RARB: variants seen among roughly 807,000 people sequenced by gnomAD.
The protein encoded by RARB is retinoic acid receptor beta.
In RARB, 17 loss-of-function variants were observed where a neutral mutation model predicts 51.9. That is an observed-to-expected ratio of 0.33 (90% confidence interval 0.22 to 0.49). RARB has a LOEUF of 0.49. RARB is among the 20% of genes least tolerant of loss of function. The probability of loss-of-function intolerance (pLI) is 0.99; values close to 1 mark genes in which losing one functional copy is unlikely to be tolerated. For synonymous variants in RARB, 215 were observed against 195.4 expected, an observed-to-expected ratio of 1.10 and a Z score of -0.84; for missense variants, 369 against 550.8, an observed-to-expected ratio of 0.67 and a Z score of 3.30.
At chr3:25,476,522 G>GA (rs1044513034) in intron 2 of RARB, among the ~76,000 whole-genome samples, 7 of 151,938 alleles carry the variant, frequency 4.6e-5, no homozygotes, top group South Asian at 4.2e-4. Context: ...GTAGATTTAG[G>GA]AAAAAAAATT....
chr3:25,153,117 A>G (rs1030604240), intron 4 of RARB, among the ~76,000 whole-genome samples: 3 of 148,690 alleles, frequency 2.0e-5, no homozygotes, highest in African/African-American at 7.4e-5. Flanking sequence ...ATCCAAACCA[A>G]CCAAGTAATA....
chr3:24,932,221 C>A (rs1444026787), intron 2 of RARB, among the ~76,000 whole-genome samples: 1 of 151,998 alleles, frequency 6.6e-6, no homozygotes, highest in African/African-American at 2.4e-5. Flanking sequence ...ATCTATAGGG[C>A]AAGCAGAGAT....
intron 5 of RARB, among the ~76,000 whole-genome samples, chr3:25,421,108 G>C (rs956420061): frequency 6.6e-6 from 1 of 151,658 alleles, no homozygotes; most frequent in African/African-American, 2.4e-5. Context: ...CTCAGTGTGT[G>C]CTTTGTGAAA....
At chr3:25,209,122 G>T (rs1701632463) in intron 5 of RARB, among the ~76,000 whole-genome samples, 1 of 152,196 alleles carries the variant, frequency 6.6e-6, no homozygotes, top group African/African-American at 2.4e-5. Context: ...TGAGTCCACA[G>T]ACCACAGTTT....
At chr3:25,028,691 C>T (rs1275108721) in intron 2 of RARB, among the ~76,000 whole-genome samples, 3 of 152,062 alleles carry the variant, frequency 2.0e-5, no homozygotes, top group African/African-American at 7.2e-5. Context: ...ACCGGGAGAG[C>T]CATGTACAGA....
intron 2 of RARB, among the ~76,000 whole-genome samples, chr3:24,951,972 G>A (rs1695903371): frequency 1.3e-5 from 2 of 152,218 alleles, no homozygotes; most frequent in African/African-American, 4.8e-5. Flanking sequence ...GCTCTATGCA[G>A]TGCATTGCAA....
chr3:24,882,028 A>G (rs991743132), intron 2 of RARB, among the ~76,000 whole-genome samples: 5 of 152,208 alleles, frequency 3.3e-5, no homozygotes, highest in African/African-American at 1.2e-4. Context: ...CATAACAATG[A>G]AAAATTGAAT....
chr3:24,897,709 A>G (rs376708912), intron 2 of RARB, among the ~76,000 whole-genome samples: 101 of 150,906 alleles, frequency 6.7e-4, no homozygotes, highest in African/African-American at 2.3e-3. Flanking sequence ...CCTTCTGTCC[A>G]GAAACCATCA....
intron 1 of RARB, among the ~76,000 whole-genome samples, chr3:24,853,850 G>T (rs1347793868): frequency 1.3e-5 from 2 of 152,214 alleles, no homozygotes; most frequent in Non-Finnish European, 1.5e-5. Context: ...GATGTAAGGA[G>T]AGGTAATTGG....
chr3:24,845,547 C>G (rs953137358), intron 1 of RARB, among the ~76,000 whole-genome samples: 3 of 152,174 alleles, frequency 2.0e-5, no homozygotes, highest in African/African-American at 7.2e-5. Context: ...TTGTCTAAAT[C>G]TGAATCCTAT....
chr3:24,922,511 A>G (rs1695239165), intron 2 of RARB, among the ~76,000 whole-genome samples: 1 of 152,164 alleles, frequency 6.6e-6, no homozygotes, highest in African/African-American at 2.4e-5. Context: ...CATTTTACAG[A>G]CGAGGAAACT....
At chr3:24,861,801 G>A (rs1012754498) in intron 2 of RARB, among the ~76,000 whole-genome samples, 32 of 152,090 alleles carry the variant, frequency 2.1e-4, no homozygotes, top group African/African-American at 6.3e-4. Context: ...AAGGATGAGC[G>A]TGAAAAAGAC....
At chr3:25,320,871 A>G (rs185578229) in intron 5 of RARB, among the ~76,000 whole-genome samples, 3 of 152,196 alleles carry the variant, frequency 2.0e-5, no homozygotes, top group Non-Finnish European at 4.4e-5. Context: ...CAAAGCCTCA[A>G]TGTTCATCAC....
chr3:24,887,557 A>G (rs7340711), intron 2 of RARB, among the ~76,000 whole-genome samples: 33 of 152,356 alleles, frequency 2.2e-4, no homozygotes, highest in African/African-American at 7.2e-4. Flanking sequence ...CTTAACTAAG[A>G]GACATAGCAG....
At chr3:25,208,976 C>G (rs937892023) in intron 5 of RARB, among the ~76,000 whole-genome samples, 1 of 152,192 alleles carries the variant, frequency 6.6e-6, no homozygotes, top group South Asian at 2.1e-4. Context: ...TGGGTCTAGG[C>G]TAATGTTTGC....
chr3:25,445,434 A>G (rs1302371177), intron 1 of RARB, among the ~76,000 whole-genome samples: 1 of 152,086 alleles, frequency 6.6e-6, no homozygotes, highest in Non-Finnish European at 1.5e-5. Flanking sequence ...GAAGGCCGAG[A>G]CAGGTGGATC....
chr3:25,007,363 C>T (rs560592885), intron 2 of RARB, among the ~76,000 whole-genome samples: 174 of 152,078 alleles, frequency 1.1e-3, no homozygotes, highest in African/African-American at 4.0e-3. Context: ...TAGTGGCTCA[C>T]GCCTGTAATC....
chr3:25,133,193 C>T (rs979094921), intron 4 of RARB, among the ~76,000 whole-genome samples: 6 of 151,846 alleles, frequency 4.0e-5, no homozygotes, highest in African/African-American at 7.2e-5. Flanking sequence ...TTAAGATGTT[C>T]GTAAATATCT....
At chr3:25,475,015 G>A (rs539812520) in intron 2 of RARB, among the ~76,000 whole-genome samples, 8 of 152,106 alleles carry the variant, frequency 5.3e-5, no homozygotes, top group East Asian at 1.9e-4. Context: ...ATTACAAATC[G>A]TAAATGGGTC....
Sources: gnomAD v4.1 joint callset for allele counts (sites outside exome capture counted in the v4.1 genomes callset) on GRCh38, gnomAD v4.1.1 for gene constraint, MANE v1.5 for transcripts, NCBI Gene and HGNC (gene_info 2026-07-23, HGNC 2026-07-21) for gene names.